Variants in SAMSN1 observed in about 807,000 individuals in gnomAD.
SAMSN1 encodes the protein SAM domain-containing protein SAMSN-1.
SAMSN1 carries 31 observed loss-of-function variants against 42.0 expected under a neutral mutation model. That is an observed-to-expected ratio of 0.74 (90% CI 0.55 to 1.00). The LOEUF (loss-of-function observed/expected upper bound fraction) is 1.00. Ranked by LOEUF, SAMSN1 falls within the 50% of genes least tolerant of loss-of-function variation. The pLI is 0.00. For missense variants in SAMSN1, 464 were observed against 439.4 expected (o/e 1.06, Z -0.50); for synonymous variants, 178 against 151.9 (o/e 1.17, Z -1.26).
chr21:14,556,651 G>A (rs1181547458), intron 2 of SAMSN1, among the ~76,000 whole-genome samples: 1 of 152,120 alleles, frequency 6.6e-6, no homozygotes, highest in East Asian at 1.9e-4. Context: ...CACACACAAA[G>A]TGAGGTTTAT....
upstream of SAMSN1, among the ~76,000 whole-genome samples, chr21:14,586,692 G>T (rs541770242): frequency 6.6e-6 from 1 of 152,280 alleles, no homozygotes; most frequent in Admixed American, 6.5e-5. Context: ...CAAAAAGAGG[G>T]TTTATTAATA....
At chr21:14,501,813 G>C (rs931866139) in intron 5 of SAMSN1, among the ~76,000 whole-genome samples, 1 of 152,218 alleles carries the variant, frequency 6.6e-6, no homozygotes. Flanking sequence ...GCAAAGTTTA[G>C]ATTGAAGTAT....
intron 4 of SAMSN1, among the ~76,000 whole-genome samples, chr21:14,611,477 T>C (rs1982706230): frequency 6.6e-6 from 1 of 152,242 alleles, no homozygotes; most frequent in South Asian, 2.1e-4. Context: ...GTGTTGTTTC[T>C]AAAGTCACTA....
At chr21:14,605,848 A>ATTTT (rs1474000105) in intron 5 of SAMSN1, among the ~76,000 whole-genome samples, 5 of 148,456 alleles carry the variant, frequency 3.4e-5, no homozygotes, top group African/African-American at 1.2e-4. Flanking sequence ...TTATTTATTT[A>ATTTT]TTTATTTTTT....
At chr21:14,654,944 G>A (rs50677) in intron 1 of SAMSN1, among the ~76,000 whole-genome samples, 116,416 of 151,836 alleles carry the variant, frequency 0.77, 45,164 homozygotes, top group Middle Eastern at 0.89. Flanking sequence ...AAATGCTGAG[G>A]AAGAGAGCCA....
intron 2 of SAMSN1, among the ~76,000 whole-genome samples, chr21:14,627,028 G>GA (rs1983195939): frequency 2.0e-5 from 3 of 151,826 alleles, no homozygotes; most frequent in Admixed American, 1.3e-4. Context: ...ATCACAAAGA[G>GA]AAAAAACCAA....
chr21:14,542,343 CT>C (rs1186643604), intron 1 of SAMSN1, among the ~76,000 whole-genome samples: 1 of 152,104 alleles, frequency 6.6e-6, no homozygotes, highest in African/African-American at 2.4e-5. Flanking sequence ...GGTAATTGAC[CT>C]TCCTTATGCC....
At chr21:14,633,477 G>T (rs1163062609) in intron 2 of SAMSN1, among the ~76,000 whole-genome samples, 1 of 152,198 alleles carries the variant, frequency 6.6e-6, no homozygotes, top group Non-Finnish European at 1.5e-5. Flanking sequence ...TCTGGATTGG[G>T]TAATGACTTA....
At chr21:14,537,648 C>G (rs971313541) in intron 1 of SAMSN1, among the ~76,000 whole-genome samples, 1 of 152,076 alleles carries the variant, frequency 6.6e-6, no homozygotes, top group Non-Finnish European at 1.5e-5. Flanking sequence ...TTCTTGATGT[C>G]CAGTCACATT....
At chr21:14,636,528 G>T (rs1983470763) in intron 2 of SAMSN1, among the ~76,000 whole-genome samples, 2 of 152,138 alleles carry the variant, frequency 1.3e-5, no homozygotes. Context: ...AAATGGATGT[G>T]TTTCCTATAA....
chr21:14,649,772 A>AACACACACACACACACACAC (rs60905314), intron 1 of SAMSN1, among the ~76,000 whole-genome samples: 1 of 135,646 alleles, frequency 7.4e-6, no homozygotes, highest in Non-Finnish European at 1.6e-5. Context: ...ACTGTCTCAA[A>AACACACACACACACACACAC]ACACACACAC....
At chr21:14,594,037 A>G in exon 7 of SAMSN1, 1 of 715,812 alleles carries the variant, frequency 1.4e-6, no homozygotes, top group Non-Finnish European at 2.6e-6. Flanking sequence ...TGGTCTCAAC[A>G]TGTCTTTGAT....
intron 2 of SAMSN1, among the ~76,000 whole-genome samples, chr21:14,560,051 G>A (rs1360148344): frequency 2.0e-5 from 3 of 152,120 alleles, no homozygotes; most frequent in African/African-American, 7.2e-5. Context: ...CAGTTCAGTG[G>A]GAAGACAGGC....
At chr21:14,493,574 A>AACACACAC (rs201460166) in intron 7 of SAMSN1, among the ~76,000 whole-genome samples, 1,950 of 102,274 alleles carry the variant, frequency 0.019, 40 homozygotes, top group African/African-American at 0.048. Flanking sequence ...TTTATGGAAC[A>AACACACAC]ACACACACAC....
intron 5 of SAMSN1, among the ~76,000 whole-genome samples, chr21:14,502,709 A>G (rs901838070): frequency 1.3e-5 from 2 of 152,098 alleles, no homozygotes; most frequent in Admixed American, 1.3e-4. Context: ...GGTTATGGGT[A>G]CCCTTTCCCC....
chr21:14,576,528 A>G (rs564839609), intron 2 of SAMSN1, among the ~76,000 whole-genome samples: 153 of 152,304 alleles, frequency 1.0e-3, no homozygotes, highest in African/African-American at 2.5e-3. Flanking sequence ...TCCCATGCCA[A>G]TAATTAGCAT....
At chr21:14,606,247 T>G (rs2123312487) in intron 5 of SAMSN1, among the ~76,000 whole-genome samples, 1 of 152,310 alleles carries the variant, frequency 6.6e-6, no homozygotes, top group South Asian at 2.1e-4. Context: ...CTTCCCTTAC[T>G]AACATATGCC....
Position 14,608,587 on chromosome 21 carries a change from T to C in SAMSN1, c.322+895A>G, listed in dbSNP as rs958765446. ...CTGAGGTGCACATGATCTAGTAAGA[T>C]ATCAGCAGGAGTGGCCAAAGGGATG... is the stretch of plus-strand genomic sequence containing the variant. On this transcript the variant is annotated intron_variant, in intron 5 of 15. Transcript: ENST00000647101. Among the ~76,000 whole-genome samples the C allele has an allele frequency of 4.6e-5, 7 of 152,102 alleles. 1 individual carries two copies. Among genetic ancestry groups the C allele is most frequent in the South Asian group, 4.1e-4 (2 of 4,822 alleles).
At chr21:14,594,513 C>A (rs1982198463) in intron 6 of SAMSN1, among the ~76,000 whole-genome samples, 4 of 152,078 alleles carry the variant, frequency 2.6e-5, no homozygotes. Flanking sequence ...CAATGGACAT[C>A]CATTTTAGAT....
Sources: allele counts gnomAD v4.1 joint callset (sites outside exome capture counted in the v4.1 genomes callset), GRCh38; gene constraint gnomAD v4.1.1; transcripts MANE v1.5; gene names NCBI Gene and HGNC (gene_info 2026-07-23, HGNC 2026-07-21).